Variants in ORC5 observed in about 807,000 individuals in gnomAD.
ORC5 encodes the protein protein phosphatase 1, regulatory subunit 117.
Under a neutral mutation model 58.8 loss-of-function variants are expected in ORC5, and 39 were observed. The ratio of observed to expected loss-of-function variants is 0.66; its 90% CI spans 0.51 to 0.87. The LOEUF (loss-of-function observed/expected upper bound fraction) is 0.87. Ranked by LOEUF, ORC5 falls within the 40% of genes least tolerant of loss-of-function variation. The pLI, the probability that ORC5 is intolerant of heterozygous loss-of-function variation, is 0.00. For synonymous variants in ORC5, 218 were observed against 177.6 expected (o/e 1.23, Z -1.81); for missense variants, 493 against 506.3 (o/e 0.97, Z 0.25).
chr7:104,144,928 G>GC (rs1798732184), intron 12 of ORC5, among the ~76,000 whole-genome samples: 1 of 152,148 alleles, frequency 6.6e-6, no homozygotes, highest in Non-Finnish European at 1.5e-5. Context: ...TGAGTACTCA[G>GC]ATTCATCGTG....
At chr7:104,165,972 T>A (rs540827194) in intron 10 of ORC5, among the ~76,000 whole-genome samples, 12 of 152,020 alleles carry the variant, frequency 7.9e-5, no homozygotes, top group East Asian at 1.9e-4. Flanking sequence ...AGGCCGAGGC[T>A]GTAGTGAGCC....
chr7:104,163,511 G>A (rs1345206021), intron 11 of ORC5, among the ~76,000 whole-genome samples: 2 of 152,190 alleles, frequency 1.3e-5, no homozygotes, highest in Non-Finnish European at 2.9e-5. Context: ...GTTTGAGAAG[G>A]AGACTCACTC....
At chr7:104,163,712 C>T (rs1485255566) in intron 11 of ORC5, among the ~76,000 whole-genome samples, 3 of 152,080 alleles carry the variant, frequency 2.0e-5, no homozygotes, top group Admixed American at 6.5e-5. Flanking sequence ...AGAATGGTCT[C>T]GACCTCCTGA....
At chr7:104,171,600 C>T (rs1037647126) in intron 8 of ORC5, among the ~76,000 whole-genome samples, 11 of 151,704 alleles carry the variant, frequency 7.3e-5, no homozygotes, top group Non-Finnish European at 7.4e-5. Context: ...AGGAATACCA[C>T]ACCCTTCTGA....
At chr7:104,157,588 C>A (rs1394804119) in intron 12 of ORC5, among the ~76,000 whole-genome samples, 1 of 152,046 alleles carries the variant, frequency 6.6e-6, no homozygotes, top group Non-Finnish European at 1.5e-5. Flanking sequence ...ACTGCTATAA[C>A]CACGAAGACT....
intron 12 of ORC5, among the ~76,000 whole-genome samples, chr7:104,142,471 A>G (rs1156367520): frequency 6.7e-6 from 1 of 149,950 alleles, no homozygotes; most frequent in East Asian, 1.9e-4. Context: ...AGAATGGGAG[A>G]AAAAAAATCA....
chr7:104,192,865 TAA>T (rs35918809), intron 5 of ORC5, among the ~76,000 whole-genome samples: 3 of 137,618 alleles, frequency 2.2e-5, no homozygotes, highest in African/African-American at 2.7e-5. Flanking sequence ...AGACACTTGT[TAA>T]AAAAAAAAAA....
At position 104,135,120 on chromosome 7, in the gene ORC5, T is replaced by C. The variant is rs191176011; in HGVS notation, c.1262+1661A>G. ...CAGATTCAATGGAGATTCACTATATTAGGAACCCACAAACTTCTGTTTTGC... is the reference window on the plus strand; with the variant it reads ...CAGATTCAATGGAGATTCACTATATCAGGAACCCACAAACTTCTGTTTTGC... On this transcript the variant is annotated intron_variant, in intron 13 of 13. Coordinates refer to ENST00000297431, the MANE Select transcript of ORC5 (RefSeq NM_002553.4). Among the ~76,000 whole-genome samples, 5 of 152,220 alleles carry C rather than the reference T, an allele frequency of 3.3e-5. No homozygotes were observed. In the East Asian group the frequency reaches 7.7e-4, roughly 24 times the overall value.
intron 13 of ORC5, among the ~76,000 whole-genome samples, chr7:104,128,109 A>G (rs1400348086): frequency 2.6e-5 from 4 of 152,190 alleles, no homozygotes; most frequent in Non-Finnish European, 4.4e-5. Context: ...GCACCAAAGT[A>G]CTTTTGACAC....
In ORC5 at chr7:104,145,216, T is replaced by C. The variant is rs141487011; in HGVS notation, c.1150-8323A>G. Among the ~76,000 whole-genome samples the C allele has an allele frequency of 3.1e-4, 47 of 152,288 alleles. 1 individual carries two copies. The highest frequency in any genetic ancestry group is 1.1e-3 in the African/African-American group (47 of 41,564). ...GAAGATACACAGAAAAGAGTTAACA[T>C]AGTCTTCTATGGCTAAGTATATTAA... is the stretch of plus-strand genomic sequence containing the variant. On this transcript the variant is annotated intron_variant, in intron 12 of 13. Transcript: ENST00000297431.
At chr7:104,130,150 G>T (rs1798491647) in intron 13 of ORC5, among the ~76,000 whole-genome samples, 1 of 151,796 alleles carries the variant, frequency 6.6e-6, no homozygotes, top group Admixed American at 6.6e-5. Flanking sequence ...GACTGTGGAA[G>T]AAAAACAATT....
chr7:104,201,745 A>G (rs533629150), intron 2 of ORC5, among the ~76,000 whole-genome samples: 1 of 152,034 alleles, frequency 6.6e-6, no homozygotes, highest in South Asian at 2.1e-4. Context: ...CTAAGTCAAA[A>G]AAAAAAAGAA....
At chr7:104,195,910 A>G (rs1373405315) in intron 4 of ORC5, among the ~76,000 whole-genome samples, 1 of 152,192 alleles carries the variant, frequency 6.6e-6, no homozygotes, top group Non-Finnish European at 1.5e-5. Context: ...TATTCATCTG[A>G]TAAGTACTTT....
intron 3 of ORC5, among the ~76,000 whole-genome samples, chr7:104,199,346 G>A (rs1471917743): frequency 6.6e-6 from 1 of 152,240 alleles, no homozygotes; most frequent in Non-Finnish European, 1.5e-5. Flanking sequence ...CACAGAGGTG[G>A]AGCTGCACAA....
chr7:104,192,521 C>CA (rs1799698524), intron 5 of ORC5, among the ~76,000 whole-genome samples: 1 of 151,516 alleles, frequency 6.6e-6, no homozygotes. Context: ...ATCATCTCTC[C>CA]AAAAAAAGCT....
chr7:104,190,837 CAGTA>C (rs1799658216), intron 5 of ORC5, among the ~76,000 whole-genome samples: 1 of 151,930 alleles, frequency 6.6e-6, no homozygotes, highest in Non-Finnish European at 1.5e-5. Context: ...TTAAGGTTCC[CAGTA>C]AGTTAGTATT....
intron 10 of ORC5, chr7:104,165,613 T>G (rs751928864): frequency 5.0e-6 from 1 of 198,450 alleles, no homozygotes; most frequent in South Asian, 1.1e-4. Context: ...ATATGGATTT[T>G]TATTCATCCC....
rs147349085 is a variant in ORC5 at position 104,204,239 on chromosome 7, C to T, written c.73-5G>A. 68 of 1,544,990 alleles carry T rather than the reference C, an allele frequency of 4.4e-5. No homozygotes were observed. The East Asian group carries it at 7.9e-4, about 18-fold the overall frequency. On this transcript the variant is annotated splice_region_variant and splice_polypyrimidine_tract_variant and intron_variant, in intron 1 of 13. Transcript: ENST00000297431. ...TGGAAAGCTGAAATGATGTCTCTAA[C>T]GAGAGAAAAGACAAATATGAGGCTG...
rs202140177 is a variant in ORC5, at chr7:104,136,840, C to T, written c.1203G>A (p.Gln401=). Residue 401 remains glutamine (Q), a synonymous_variant, in exon 13 of 14, where the codon CAG becomes CAA. Transcript: ENST00000297431. This position sits in a 1 kb window ranked among gnomAD's most constrained non-coding sequence, Gnocchi z 4.2. ...TGCATTTGTATTTTGGTCCATCAAG[C>T]TGATCGTCATGGCCAACCAGGGTTA... The part of the protein sequence containing the change: ...QLLTLVGHDD[Q]LDGPKYKCTV... 22 of 1,614,050 alleles carry T rather than the reference C, an allele frequency of 1.4e-5. No homozygotes were observed. The South Asian group carries it at 2.4e-4, about 18-fold the overall frequency.
Sources: allele counts gnomAD v4.1 joint callset (sites outside exome capture counted in the v4.1 genomes callset), GRCh38; gene constraint gnomAD v4.1.1; non-coding constraint Gnocchi (gnomAD v3.1); transcripts MANE v1.5; gene names NCBI Gene and HGNC (gene_info 2026-07-23, HGNC 2026-07-21).